The following PCDHGA9 variants were observed in gnomAD, a reference collection of about 807,000 sequenced individuals.
The protein encoded by PCDHGA9 is protocadherin gamma-A9.
Under a neutral mutation model 62.5 loss-of-function variants are expected in PCDHGA9, and 37 were observed. The ratio of observed to expected loss-of-function variants is 0.59; its 90% CI spans 0.46 to 0.78. The LOEUF (loss-of-function observed/expected upper bound fraction) is 0.78, where lower values mean the gene tolerates loss of function less well. PCDHGA9 is among the 30% of genes least tolerant of loss of function. The probability of loss-of-function intolerance (pLI) is 0.00; values close to 1 mark genes in which losing one functional copy is unlikely to be tolerated. For synonymous variants in PCDHGA9, 459 were observed against 484.6 expected (o/e 0.95, Z 0.69); for missense variants, 1,138 against 1,166.2 (o/e 0.98, Z 0.35).
intron 1 of PCDHGA9, chr5:141,413,792 G>C (rs1390056342): frequency 6.2e-7 from 1 of 1,613,134 alleles, no homozygotes; most frequent in South Asian, 1.1e-5. Context: ...TCCCTAGATC[G>C]CGAGGAAGAG....
chr5:141,505,443 C>A lies in PCDHGA9; in HGVS notation c.2534C>A (p.Thr845Lys). ...TGTWPNNQFD[T>K]EMLQAMILAS... ...ACCTGGCCCAACAACCAGTTTGACA[C>A]AGAGATGCTGCAAGCCATGATCTTG... Residue 845 changes from threonine to lysine, a missense_variant, in exon 3 of 4, where the codon ACA becomes AAA. Physicochemically the swap from Thr to Lys is moderately conservative, Grantham distance 78. Transcript: ENST00000573521. 2 of 1,614,224 alleles carry A rather than the reference C, an allele frequency of 1.2e-6. No homozygotes were observed. Among genetic ancestry groups the A allele is most frequent in the Non-Finnish European group, 8.5e-7 (1 of 1,180,042 alleles).
chr5:141,452,951 G>T (rs1397204185), intron 1 of PCDHGA9, among the ~76,000 whole-genome samples: 13 of 152,154 alleles, frequency 8.5e-5, no homozygotes, highest in Admixed American at 8.5e-4. Context: ...GCAATTGGTT[G>T]TCTTTAAACT....
At chr5:141,447,149 T>C (rs2098528211) in intron 1 of PCDHGA9, among the ~76,000 whole-genome samples, 1 of 152,212 alleles carries the variant, frequency 6.6e-6, no homozygotes, top group African/African-American at 2.4e-5. Flanking sequence ...TTTGTTTTTG[T>C]TTTTGTTTAA....
Position 141,423,752 on chromosome 5 carries a change from G to A in PCDHGA9, c.2424+18376G>A, listed in dbSNP as rs749899386. 4.7e-6 allele frequency: 3 copies of A among 644,956 alleles called. 1 individual carries two copies. The highest frequency in any genetic ancestry group is 1.1e-4 in the South Asian group (2 of 17,914). 40.0% of individuals were successfully genotyped at this position (644,956 alleles called of 1,614,324 possible). ...TTGAGCCTGTTATGAAAACTGTTTGGGGGGGGGGTGGGGCGGCATATATTT... is the reference window on the plus strand; with the variant it reads ...TTGAGCCTGTTATGAAAACTGTTTGAGGGGGGGGTGGGGCGGCATATATTT... On this transcript the variant is annotated intron_variant, in intron 1 of 3. Transcript: ENST00000573521.
chr5:141,491,956 A>G lies in PCDHGA9; in HGVS notation c.2425-2851A>G, dbSNP rs2099735623. 1.9e-6 allele frequency: 2 copies of G among 1,035,704 alleles called. No homozygotes were observed. Among genetic ancestry groups the G allele is most frequent in the Non-Finnish European group, 2.7e-6 (2 of 749,368 alleles). The allele number at this position is 1,035,704 out of a possible 1,614,324, so 64.2% of individuals were successfully genotyped here. A position where few individuals can be genotyped will look rare whatever the true frequency, so the allele number is the denominator to read the frequency against. On this transcript the variant is annotated intron_variant, in intron 1 of 3. Transcript: ENST00000573521. This position sits in a 1 kb window ranked among gnomAD's most constrained non-coding sequence, Gnocchi z 6.9. Reference sequence around the variant, plus strand: ...GGACCGACCCCCACCCCTACACTCAAAAAAGGCCGGGGCCTCCTTCGAGCT... The same window carrying G: ...GGACCGACCCCCACCCCTACACTCAGAAAAGGCCGGGGCCTCCTTCGAGCT...
chr5:141,492,471 C>T (rs937691695), intron 1 of PCDHGA9, among the ~76,000 whole-genome samples: 8 of 152,240 alleles, frequency 5.3e-5, no homozygotes, highest in Non-Finnish European at 1.0e-4. Flanking sequence ...GGTCCCAGAT[C>T]GCGGCCGCCC....
Position 141,408,343 on chromosome 5 carries a change from G to A in PCDHGA9, c.2424+2967G>A, listed in dbSNP as rs780878986. On this transcript the variant is annotated intron_variant, in intron 1 of 3. Transcript: ENST00000573521. Reference sequence around the variant, plus strand: ...AGGAGCTGGCCAAGGGCTCGGTGGTGGGGAACCTCGCTAAGGATCTAGGGC... The same window carrying A: ...AGGAGCTGGCCAAGGGCTCGGTGGTAGGGAACCTCGCTAAGGATCTAGGGC... The A allele has an allele frequency of 1.9e-6, 3 of 1,613,924 alleles. No individual in the cohort carries two copies. In the South Asian group the frequency reaches 3.3e-5, roughly 18 times the overall value.
At chr5:141,494,355 G>T (rs910437011) in intron 1 of PCDHGA9, among the ~76,000 whole-genome samples, 4 of 152,234 alleles carry the variant, frequency 2.6e-5, no homozygotes, top group African/African-American at 9.6e-5. Flanking sequence ...CCATCTTGCT[G>T]CAGAGGATGC....
At chr5:141,488,021 C>A (rs570700985) in intron 1 of PCDHGA9, among the ~76,000 whole-genome samples, 1 of 152,244 alleles carries the variant, frequency 6.6e-6, no homozygotes, top group East Asian at 1.9e-4. Flanking sequence ...TACCTTAACT[C>A]TAGGTTACCA....
chr5:141,422,211 CTT>C (rs1339862278), intron 1 of PCDHGA9: 1 of 1,563,166 alleles, frequency 6.4e-7, no homozygotes, highest in African/African-American at 1.4e-5. Context: ...GTGGAGGTCT[CTT>C]TACCACCACG....
At chr5:141,410,625 G>A (rs202058499) in intron 1 of PCDHGA9, 1 of 1,602,442 alleles carries the variant, frequency 6.2e-7, no homozygotes, top group Non-Finnish European at 8.5e-7. Flanking sequence ...ACTTCGGTGA[G>A]TTTCTCTTTT....
In PCDHGA9 at chr5:141,403,339, C is replaced by T. The variant is rs2094393588; in HGVS notation, c.387C>T (p.Ser129=). The change falls in exon 1 of 4, where the codon AGC becomes AGT. Residue 129 remains serine (S), a synonymous_variant. Coordinates refer to ENST00000573521, the MANE Select transcript of PCDHGA9 (RefSeq NM_018921.3). ...IEIEVTDIND[S]APKFQAESLE... is the part of the protein sequence containing the mutation. Reference sequence around the variant, plus strand: ...TAGAAGTAACTGATATTAACGACAGCGCCCCAAAGTTCCAGGCCGAAAGTC... The same window carrying T: ...TAGAAGTAACTGATATTAACGACAGTGCCCCAAAGTTCCAGGCCGAAAGTC... 1.2e-6 allele frequency: 2 copies of T among 1,613,892 alleles called. No individual in the cohort carries two copies. The highest frequency in any genetic ancestry group is 1.7e-5 in the Admixed American group (1 of 60,010).
In PCDHGA9 at chr5:141,431,878, C is replaced by T. The variant is rs2097425306; in HGVS notation, c.2424+26502C>T. The T allele has an allele frequency of 1.2e-6, 2 of 1,614,054 alleles. No individual in the cohort carries two copies. The highest frequency in any genetic ancestry group is 1.7e-5 in the Admixed American group (1 of 60,010). ...TAATTGCCCTTTTAAATGTAAATGACCAAGATTCTGAGGAAAACGGACAGG... is the reference window on the plus strand; with the variant it reads ...TAATTGCCCTTTTAAATGTAAATGATCAAGATTCTGAGGAAAACGGACAGG... On this transcript the variant is annotated intron_variant, in intron 1 of 3. Transcript: ENST00000573521. The surrounding 1 kb of genome is among the most constrained non-coding windows in gnomAD (Gnocchi z 4.8).
At chr5:141,405,648 G>T (rs936380418) in intron 1 of PCDHGA9, 5 of 523,616 alleles carry the variant, frequency 9.5e-6, no homozygotes, top group African/African-American at 3.9e-5. Context: ...CTAATTTTTT[G>T]TGTGTTTTTA....
At chr5:141,445,169 T>C (rs2098458681) in intron 1 of PCDHGA9, among the ~76,000 whole-genome samples, 3 of 152,320 alleles carry the variant, frequency 2.0e-5, no homozygotes, top group Non-Finnish European at 1.5e-5. Flanking sequence ...TACAGAAAAA[T>C]GAAAAACTAT....
Position 141,485,738 on chromosome 5 carries a change from A to G in PCDHGA9, c.2425-9069A>G, listed in dbSNP as rs1443978038. Reference sequence around the variant, plus strand: ...GGATGTGAAGAAGCGCAGCGACGGCAGCCTGGTCCCAGAGCTGCTCCTGGA... The same window carrying G: ...GGATGTGAAGAAGCGCAGCGACGGCGGCCTGGTCCCAGAGCTGCTCCTGGA... On this transcript the variant is annotated intron_variant, in intron 1 of 3. Transcript: ENST00000573521. This position sits in a 1 kb window ranked among gnomAD's most constrained non-coding sequence, Gnocchi z 5.7. 1 of 1,614,230 alleles carries G rather than the reference A, an allele frequency of 6.2e-7. No individual in the cohort carries two copies.
chr5:141,454,464 T>C (rs1365696226), intron 1 of PCDHGA9, among the ~76,000 whole-genome samples: 1 of 152,196 alleles, frequency 6.6e-6, no homozygotes, highest in Non-Finnish European at 1.5e-5. Flanking sequence ...TGGAGTGCAA[T>C]GGCATGATCT....
In PCDHGA9 at chr5:141,415,213, G is replaced by A. The variant is rs750613524; in HGVS notation, c.2424+9837G>A. On this transcript the variant is annotated intron_variant, in intron 1 of 3. Coordinates refer to ENST00000573521, the MANE Select transcript of PCDHGA9 (RefSeq NM_018921.3). ...CATCCCCCAAGTCCTGGCGGACCTC[G>A]GCAGCTTCGAGTCTCCAGCTAACTC... 1.9e-6 allele frequency: 3 copies of A among 1,614,074 alleles called. No individual in the cohort carries two copies. In the East Asian group the frequency reaches 6.7e-5, roughly 36 times the overall value.
chr5:141,508,919 C>T (rs1166086266), intron 3 of PCDHGA9, among the ~76,000 whole-genome samples: 1 of 151,996 alleles, frequency 6.6e-6, no homozygotes, highest in Non-Finnish European at 1.5e-5. Context: ...GATCTGGCTT[C>T]CTTTTGGAGT....
Sources: gnomAD v4.1 joint callset for allele counts (sites outside exome capture counted in the v4.1 genomes callset) on GRCh38, gnomAD v4.1.1 for gene constraint, Gnocchi (gnomAD v3.1) non-coding constraint, MANE v1.5 for transcripts, NCBI Gene and HGNC (gene_info 2026-07-23, HGNC 2026-07-21) for gene names.